CHRM3: variants seen among roughly 807,000 people sequenced by gnomAD.
CHRM3 encodes muscarinic acetylcholine receptor M3.
Under a neutral mutation model 41.8 loss-of-function variants are expected in CHRM3, and 11 were observed. The observed-to-expected ratio is 0.26, with a 90% confidence interval of 0.17 to 0.44. The LOEUF (loss-of-function observed/expected upper bound fraction) is 0.44. Ranked by LOEUF, CHRM3 falls within the 20% of genes least tolerant of loss-of-function variation. The probability of loss-of-function intolerance (pLI) is 1.00; values close to 1 mark genes in which losing one functional copy is unlikely to be tolerated. For missense variants in CHRM3, 571 were observed against 745.4 expected, an observed-to-expected ratio of 0.77 and a Z score of 2.72; for synonymous variants, 297 against 301.4, an observed-to-expected ratio of 0.99 and a Z score of 0.15.
chr1:239,775,622 C>T (rs1050696475), intron 5 of CHRM3, among the ~76,000 whole-genome samples: 2 of 152,066 alleles, frequency 1.3e-5, no homozygotes, highest in African/African-American at 4.8e-5. Flanking sequence ...GGAGTTTGAT[C>T]AAGATTCCAT....
At chr1:239,745,480 T>C (rs1210624803) in intron 5 of CHRM3, among the ~76,000 whole-genome samples, 1 of 152,032 alleles carries the variant, frequency 6.6e-6, no homozygotes, top group Non-Finnish European at 1.5e-5. Flanking sequence ...GTGGCCTTTG[T>C]TTAATGTTAC....
rs543686597 is a variant in CHRM3, at chr1:239,912,523, C to T, written c.*3299C>T. ...TCAGTTTTCTCTGTCAGGCTTCCTA[C>T]GTTGCCCTCGTGCAGGGCTCATTGC... On this transcript the variant is annotated 3_prime_UTR_variant, in exon 7 of 7. Transcript: ENST00000676153. 1.6e-4 allele frequency: 26 copies of T among 167,260 alleles called. No individual in the cohort carries two copies. The highest frequency in any genetic ancestry group is 6.5e-4 in the Admixed American group (10 of 15,308). 10.4% of individuals were successfully genotyped at this position (167,260 alleles called of 1,614,324 possible). A position where few individuals can be genotyped will look rare whatever the true frequency, so the allele number is the denominator to read the frequency against.
intron 1 of CHRM3, among the ~76,000 whole-genome samples, chr1:239,445,873 G>A (rs2103283314): frequency 6.6e-6 from 1 of 152,082 alleles, no homozygotes; most frequent in African/African-American, 2.4e-5. Context: ...AGGCAAAGCT[G>A]CCAACTCAGA....
At chr1:239,543,840 A>G (rs1158063721) in intron 2 of CHRM3, among the ~76,000 whole-genome samples, 4 of 152,070 alleles carry the variant, frequency 2.6e-5, no homozygotes, top group Non-Finnish European at 5.9e-5. Context: ...GTCAGATAGG[A>G]TATATTTCAG....
chr1:239,658,432 A>G (rs1253363753), intron 4 of CHRM3, among the ~76,000 whole-genome samples: 1 of 152,240 alleles, frequency 6.6e-6, no homozygotes, highest in African/African-American at 2.4e-5. Context: ...CGAAGAGCCA[A>G]GATTTGCAAC....
chr1:239,721,937 T>C (rs530183032), intron 5 of CHRM3, among the ~76,000 whole-genome samples: 2 of 151,992 alleles, frequency 1.3e-5, no homozygotes, highest in East Asian at 3.9e-4. Context: ...GTGACTTTTT[T>C]TTAAGATGCA....
At position 239,676,070 on chromosome 1, in the gene CHRM3, G is replaced by A. The variant is rs16838675; in HGVS notation, c.-249-2116G>A. Among the ~76,000 whole-genome samples, 635 of 152,176 alleles carry A rather than the reference G, an allele frequency of 4.2e-3. 3 individuals are homozygous for A. Among genetic ancestry groups the A allele is most frequent in the African/African-American group, 0.014 (593 of 41,518 alleles). On this transcript the variant is annotated intron_variant, in intron 4 of 6. Coordinates refer to ENST00000676153, the MANE Select transcript of CHRM3 (RefSeq NM_001375978.1). Reference sequence around the variant, plus strand: ...ATCCATGCCCACTATCCCTGTTTTCGCCTGTTACAAATGAGTGCTAGCTTC... The same window carrying A: ...ATCCATGCCCACTATCCCTGTTTTCACCTGTTACAAATGAGTGCTAGCTTC...
intron 5 of CHRM3, among the ~76,000 whole-genome samples, chr1:239,804,405 A>G (rs1670463372): frequency 6.6e-6 from 1 of 151,830 alleles, no homozygotes; most frequent in South Asian, 2.1e-4. Flanking sequence ...TGTGGTAGAG[A>G]ACTGTGGCAG....
intron 6 of CHRM3, among the ~76,000 whole-genome samples, chr1:239,888,707 A>G (rs989876723): frequency 6.6e-6 from 1 of 152,176 alleles, no homozygotes; most frequent in African/African-American, 2.4e-5. Context: ...GGAGAAACCA[A>G]GTAATATGTT....
At chr1:239,502,502 C>T (rs1213237886) in intron 2 of CHRM3, among the ~76,000 whole-genome samples, 5 of 152,206 alleles carry the variant, frequency 3.3e-5, no homozygotes, top group Non-Finnish European at 5.9e-5. Context: ...TTCTCCCACA[C>T]ATTCAAAGAA....
chr1:239,603,090 A>G (rs1000039492), intron 3 of CHRM3, among the ~76,000 whole-genome samples: 1 of 51,244 alleles, frequency 2.0e-5, no homozygotes, highest in African/African-American at 3.3e-5. Context: ...TAGATACTTC[A>G]TATAAGTGGA....
intron 6 of CHRM3, among the ~76,000 whole-genome samples, chr1:239,872,783 A>C (rs1428901736): frequency 1.3e-5 from 2 of 152,178 alleles, no homozygotes; most frequent in East Asian, 3.9e-4. Flanking sequence ...TTTTCAAGTA[A>C]TATACATGCT....
rs1304337481 is a variant in CHRM3, at chr1:239,914,344, C to T, written c.*5120C>T. On this transcript the variant is annotated 3_prime_UTR_variant, in exon 7 of 7. Coordinates refer to ENST00000676153, the MANE Select transcript of CHRM3 (RefSeq NM_001375978.1). ...TCAATAAATGTTGAATATCTAATAA[C>T]CTCCTTATTAATATAACAAATATTA... 1 of 167,032 alleles carries T rather than the reference C, an allele frequency of 6.0e-6. No homozygotes were observed. The highest frequency in any genetic ancestry group is 1.5e-5 in the Non-Finnish European group (1 of 68,130). The allele number at this position is 167,032 out of a possible 1,614,324, so 10.3% of individuals were successfully genotyped here. A position where few individuals can be genotyped will look rare whatever the true frequency, so the allele number is the denominator to read the frequency against.
chr1:239,736,892 A>G (rs940252096), intron 5 of CHRM3, among the ~76,000 whole-genome samples: 2 of 152,102 alleles, frequency 1.3e-5, no homozygotes, highest in East Asian at 3.8e-4. Flanking sequence ...TCGATTCTCT[A>G]CTCTTAGTTT....
At chr1:239,665,945 CTT>C (rs1673754989) in intron 4 of CHRM3, among the ~76,000 whole-genome samples, 1 of 152,124 alleles carries the variant, frequency 6.6e-6, no homozygotes, top group South Asian at 2.1e-4. Flanking sequence ...GGTTCCAAGT[CTT>C]TGCTATTGTA....
intron 4 of CHRM3, among the ~76,000 whole-genome samples, chr1:239,647,818 T>A (rs1346528986): frequency 6.6e-6 from 1 of 152,178 alleles, no homozygotes; most frequent in East Asian, 1.9e-4. Flanking sequence ...CATTCTGAAA[T>A]GAAAATGTAA....
chr1:239,576,741 G>A (rs868768977), intron 3 of CHRM3, among the ~76,000 whole-genome samples: 3 of 151,286 alleles, frequency 2.0e-5, no homozygotes, highest in Middle Eastern at 3.4e-3. Context: ...AGTGACCTAC[G>A]ATTGTGCCAC....
At position 239,430,782 on chromosome 1, in the gene CHRM3, T is replaced by C. The variant is rs75624285; in HGVS notation, c.-521+43555T>C. Among the ~76,000 whole-genome samples the C allele has an allele frequency of 5.7e-5, 7 of 122,132 alleles. No homozygotes were observed. The East Asian group carries it at 1.6e-3, about 28-fold the overall frequency. The allele number at this position is 122,132 out of a possible 152,430, so 80.1% of individuals were successfully genotyped here. A position where few individuals can be genotyped will look rare whatever the true frequency, so the allele number is the denominator to read the frequency against. On this transcript the variant is annotated intron_variant, in intron 1 of 6. Coordinates refer to ENST00000676153, the MANE Select transcript of CHRM3 (RefSeq NM_001375978.1). ...GTCTGATTAGAGTTTAGCTTTTTGC[T>C]TTTTTTTTTTGGCATTTCTTTTTGC...
intron 5 of CHRM3, among the ~76,000 whole-genome samples, chr1:239,745,683 G>T (rs1213609983): frequency 6.6e-6 from 1 of 151,932 alleles, no homozygotes; most frequent in Non-Finnish European, 1.5e-5. Flanking sequence ...TATAATTTTA[G>T]AAGGAAAGTT....
Sources: allele counts gnomAD v4.1 joint callset (sites outside exome capture counted in the v4.1 genomes callset), GRCh38; gene constraint gnomAD v4.1.1; transcripts MANE v1.5; gene names NCBI Gene and HGNC (gene_info 2026-07-23, HGNC 2026-07-21).